The following KCNQ1 variants were observed in gnomAD, a reference collection of about 807,000 sequenced individuals.
KCNQ1 encodes potassium voltage-gated channel subfamily Q member 1.
In KCNQ1, 49 loss-of-function variants were observed where a neutral mutation model predicts 72.4. The observed-to-expected ratio is 0.68, with a 90% CI of 0.54 to 0.86. KCNQ1 has a LOEUF of 0.86. Ranked by LOEUF, KCNQ1 falls within the 40% of genes least tolerant of loss-of-function variation. KCNQ1 has a pLI of 0.00. For missense variants in KCNQ1, 790 were observed against 945.1 expected (o/e 0.84, Z 2.15); for synonymous variants, 450 against 412.6 (o/e 1.09, Z -1.10).
rs903814978 is a variant in KCNQ1, at chr11:2,481,549, C to G, written c.386+36065C>G. On this transcript the variant is annotated intron_variant, in intron 1 of 15. Coordinates refer to ENST00000155840, the MANE Select transcript of KCNQ1 (RefSeq NM_000218.3). The surrounding 1 kb of genome is among the most constrained non-coding windows in gnomAD (Gnocchi z 4.6). ...TACCAGTCCATGGCCTGTTAGGAAC[C>G]AGGCTGCACAGCAGGAGGTGAGTGG... is the stretch of plus-strand genomic sequence containing the variant. 7.9e-5 allele frequency among the ~76,000 whole-genome samples: 12 copies of G among 152,202 alleles called. No individual in the cohort carries two copies. Among genetic ancestry groups the G allele is most frequent in the Admixed American group, 4.6e-4 (7 of 15,286 alleles).
chr11:2,640,812 A>G (rs1344234843), intron 10 of KCNQ1: 1 of 398,628 alleles, frequency 2.5e-6, no homozygotes, highest in Non-Finnish European at 4.4e-6. Context: ...CCCACTAACC[A>G]ACCTCTCTTC....
In KCNQ1 at chr11:2,462,566, G is replaced by T. The variant is rs539849328; in HGVS notation, c.386+17082G>T. On this transcript the variant is annotated intron_variant, in intron 1 of 15. Transcript: ENST00000155840. The surrounding 1 kb of genome is among the most constrained non-coding windows in gnomAD (Gnocchi z 8.2). ...TGAGGCCCCCACCTGTTACTGAGTGGCAGGGACGTGCTCCCACACCCCCAT... is the reference window on the plus strand; with the variant it reads ...TGAGGCCCCCACCTGTTACTGAGTGTCAGGGACGTGCTCCCACACCCCCAT... 8.5e-5 allele frequency among the ~76,000 whole-genome samples: 13 copies of T among 152,328 alleles called. No homozygotes were observed. In the East Asian group the frequency reaches 1.2e-3, roughly 14 times the overall value.
chr11:2,607,161 C>T (rs1181883371), intron 10 of KCNQ1, among the ~76,000 whole-genome samples: 1 of 151,978 alleles, frequency 6.6e-6, no homozygotes, highest in African/African-American at 2.4e-5. Context: ...CCTCGGCCTC[C>T]CAAAGTGCTG....
Position 2,750,026 on chromosome 11 carries a change from G to A in KCNQ1, c.1515-18818G>A, listed in dbSNP as rs1485532633. ...CCCTGAGAATTGTGTGTAAATGAGT[G>A]AAAATGGGGTGAGAGGGAGGGAGTG... On this transcript the variant is annotated intron_variant, in intron 11 of 15. Coordinates refer to ENST00000155840, the MANE Select transcript of KCNQ1 (RefSeq NM_000218.3). This position sits in a 1 kb window ranked among gnomAD's most constrained non-coding sequence, Gnocchi z 6.3. Among the ~76,000 whole-genome samples the A allele has an allele frequency of 6.6e-6, 1 of 152,038 alleles. No homozygotes were observed. The highest frequency in any genetic ancestry group is 1.9e-4 in the East Asian group (1 of 5,198).
At chr11:2,700,117 G>C (rs1244303427) in intron 11 of KCNQ1, 10 of 397,308 alleles carry the variant, frequency 2.5e-5, no homozygotes, top group South Asian at 1.4e-4. Flanking sequence ...GGATTGGCTG[G>C]GTGCGGAAAG....
intron 11 of KCNQ1, among the ~76,000 whole-genome samples, chr11:2,743,813 G>A (rs1035096541): frequency 6.6e-5 from 10 of 152,250 alleles, no homozygotes; most frequent in African/African-American, 2.4e-4. Context: ...TGTTTAGTCA[G>A]CGGACTGCCT....
rs1439352212 is a variant in KCNQ1, at chr11:2,653,343, G to A, written c.1394-8618G>A. ...ACTGCCCCCAGGCCCATGTCCGTAG[G>A]CTCACACCTCACCCCCAACTTTGTC... is the stretch of plus-strand genomic sequence containing the variant. On this transcript the variant is annotated intron_variant, in intron 10 of 15. Coordinates refer to ENST00000155840, the MANE Select transcript of KCNQ1 (RefSeq NM_000218.3). The surrounding 1 kb of genome is among the most constrained non-coding windows in gnomAD (Gnocchi z 5.3). 2 of 398,576 alleles carry A rather than the reference G, an allele frequency of 5.0e-6. No homozygotes were observed. Among genetic ancestry groups the A allele is most frequent in the Non-Finnish European group, 8.8e-6 (2 of 226,140 alleles). 24.7% of individuals were successfully genotyped at this position (398,576 alleles called of 1,614,324 possible).
intron 11 of KCNQ1, among the ~76,000 whole-genome samples, chr11:2,737,591 C>T (rs17744036): frequency 0.16 from 25,037 of 152,174 alleles, 2,182 homozygotes; most frequent in Middle Eastern, 0.24. Flanking sequence ...TATTTATGAT[C>T]CCAACGTGAG....
At position 2,530,466 on chromosome 11, in the gene KCNQ1, G is replaced by A. The variant is rs551798916; in HGVS notation, c.477+2448G>A. Among the ~76,000 whole-genome samples the A allele has an allele frequency of 2.2e-4, 34 of 152,358 alleles. 1 individual carries two copies. Among genetic ancestry groups the A allele is most frequent in the African/African-American group, 2.9e-4 (12 of 41,582 alleles). ...CAGTGGTTCCCAGGCTGTGAGAGCC[G>A]CGCTGCCAAACATTCCCCTGGAGAG... On this transcript the variant is annotated intron_variant, in intron 2 of 15. Transcript: ENST00000155840.
At chr11:2,722,312 C>T (rs1023793317) in intron 11 of KCNQ1, among the ~76,000 whole-genome samples, 5 of 151,940 alleles carry the variant, frequency 3.3e-5, no homozygotes, top group South Asian at 2.1e-4. Context: ...GGGCGGGCCT[C>T]GGGTGCATGC....
chr11:2,575,021 T>G (rs1848400691), intron 6 of KCNQ1, among the ~76,000 whole-genome samples: 1 of 152,028 alleles, frequency 6.6e-6, no homozygotes, highest in African/African-American at 2.4e-5. Flanking sequence ...GGTGGCAAGG[T>G]GGGCAGTGAG....
intron 1 of KCNQ1, among the ~76,000 whole-genome samples, chr11:2,513,006 G>A (rs1589921475): frequency 6.6e-6 from 1 of 152,296 alleles, no homozygotes; most frequent in East Asian, 1.9e-4. Context: ...TGGAGAGTTG[G>A]CGGCTCAGGA....
Position 2,617,719 on chromosome 11 carries a change from A to G in KCNQ1, c.1393+28865A>G, listed in dbSNP as rs1849091105. 5.0e-6 allele frequency: 2 copies of G among 398,456 alleles called. No individual in the cohort carries two copies. The highest frequency in any genetic ancestry group is 8.9e-6 in the Non-Finnish European group (2 of 225,982). The allele number at this position is 398,456 out of a possible 1,614,324, so 24.7% of individuals were successfully genotyped here. On this transcript the variant is annotated intron_variant, in intron 10 of 15. Transcript: ENST00000155840. The surrounding 1 kb of genome is among the most constrained non-coding windows in gnomAD (Gnocchi z 4.6). Reference sequence around the variant, plus strand: ...TCCCTAACCCTAGCCAACACTTAATAGCTATTCTCATGAGTGTGAGGTGAT... The same window carrying G: ...TCCCTAACCCTAGCCAACACTTAATGGCTATTCTCATGAGTGTGAGGTGAT...
At chr11:2,625,357 G>A (rs781738450) in intron 10 of KCNQ1, 1 of 398,588 alleles carries the variant, frequency 2.5e-6, no homozygotes, top group Non-Finnish European at 4.4e-6. Flanking sequence ...CTGGGCTTAG[G>A]CTATCCTCCC....
chr11:2,812,406 G>C (rs1042216846), intron 15 of KCNQ1, among the ~76,000 whole-genome samples: 3 of 152,216 alleles, frequency 2.0e-5, no homozygotes, highest in Non-Finnish European at 4.4e-5. Context: ...GGCAGTGCTC[G>C]GGGGCTCCAG....
rs575832096 is a variant in KCNQ1 at position 2,509,646 on chromosome 11, C to T, written c.387-18282C>T. ...CACGGAGGTGTCAGCGTTTCACTCC[C>T]AGCACGTCACGCCACGTCCCTTTCC... is the stretch of plus-strand genomic sequence containing the variant. On this transcript the variant is annotated intron_variant, in intron 1 of 15. Coordinates refer to ENST00000155840, the MANE Select transcript of KCNQ1 (RefSeq NM_000218.3). This position sits in a 1 kb window ranked among gnomAD's most constrained non-coding sequence, Gnocchi z 6.3. Among the ~76,000 whole-genome samples the T allele has an allele frequency of 4.6e-5, 7 of 152,314 alleles. No homozygotes were observed. Among genetic ancestry groups the T allele is most frequent in the African/African-American group, 1.7e-4 (7 of 41,576 alleles).
chr11:2,709,143 C>T (rs1056469395), intron 11 of KCNQ1, among the ~76,000 whole-genome samples: 6 of 152,196 alleles, frequency 3.9e-5, no homozygotes, highest in African/African-American at 7.2e-5. Flanking sequence ...TGTTGTGGCA[C>T]GGGGTCTGTT....
At chr11:2,795,685 G>GC (rs2134015221) in intron 15 of KCNQ1, among the ~76,000 whole-genome samples, 1 of 152,316 alleles carries the variant, frequency 6.6e-6, no homozygotes, top group South Asian at 2.1e-4. Flanking sequence ...GTGACACCCA[G>GC]CCCCCAGCTA....
At chr11:2,805,815 C>T (rs1305714408) in intron 15 of KCNQ1, among the ~76,000 whole-genome samples, 3 of 152,330 alleles carry the variant, frequency 2.0e-5, no homozygotes, top group Non-Finnish European at 2.9e-5. Context: ...CTCCAGAAAT[C>T]GCTCTGATGA....
Sources: gnomAD v4.1 joint callset for allele counts (sites outside exome capture counted in the v4.1 genomes callset) on GRCh38, gnomAD v4.1.1 for gene constraint, Gnocchi (gnomAD v3.1) non-coding constraint, MANE v1.5 for transcripts, NCBI Gene and HGNC (gene_info 2026-07-23, HGNC 2026-07-21) for gene names.